CSMD1: variants seen among roughly 807,000 people sequenced by gnomAD.
CSMD1 encodes the protein CUB and Sushi multiple domains 1, also known as CUB and sushi domain-containing protein 1.
Under a neutral mutation model 417.5 loss-of-function variants are expected in CSMD1, and 213 were observed. The ratio of observed to expected loss-of-function variants is 0.51; its 90% confidence interval spans 0.46 to 0.57. The LOEUF (loss-of-function observed/expected upper bound fraction) is 0.57. Among genes scored for constraint, CSMD1 ranks in the 20% least tolerant of loss-of-function variants. The pLI is 0.00. For missense variants in CSMD1, 6,923 were observed against 4,529.7 expected (o/e 1.53, Z -15.17); for synonymous variants, 2,862 against 1,736.8 (o/e 1.65, Z -16.11).
At chr8:4,535,439 T>C (rs2130484684) in intron 2 of CSMD1, among the ~76,000 whole-genome samples, 1 of 152,270 alleles carries the variant, frequency 6.6e-6, no homozygotes, top group East Asian at 1.9e-4. Flanking sequence ...TGCTTGTAGA[T>C]TTGCTTTGCA....
intron 50 of CSMD1, among the ~76,000 whole-genome samples, chr8:3,041,030 G>A (rs1244787812): frequency 1.3e-5 from 2 of 151,946 alleles, no homozygotes; most frequent in Admixed American, 6.6e-5. Flanking sequence ...CTTCATATCG[G>A]TAAATAAATT....
At chr8:3,541,059 A>G (rs554067257) in intron 10 of CSMD1, among the ~76,000 whole-genome samples, 2 of 152,312 alleles carry the variant, frequency 1.3e-5, no homozygotes, top group Admixed American at 6.5e-5. Flanking sequence ...AAATCACTCT[A>G]TTATAAAGAT....
rs144855392 is a variant in CSMD1, at chr8:3,296,315, C to T, written c.3950+11380G>A. Among the ~76,000 whole-genome samples the T allele has an allele frequency of 3.2e-3, 492 of 151,654 alleles. 1 individual carries two copies. The highest frequency in any genetic ancestry group is 4.6e-3 in the Non-Finnish European group (310 of 67,936). On this transcript the variant is annotated intron_variant, in intron 25 of 69. Transcript: ENST00000635120. Reference sequence around the variant, plus strand: ...AGCCCCACGTAAGGGGCATACCGTCCGCATTTGAGGACAGCCAGGAGCCAG... The same window carrying T: ...AGCCCCACGTAAGGGGCATACCGTCTGCATTTGAGGACAGCCAGGAGCCAG...
chr8:4,018,800 T>C (rs77870422), intron 4 of CSMD1, among the ~76,000 whole-genome samples: 4,275 of 152,280 alleles, frequency 0.028, 186 homozygotes, highest in African/African-American at 0.097. Context: ...GGTCAAATTC[T>C]GCCTTCCCCA....
At chr8:4,190,075 G>A (rs894532751) in intron 3 of CSMD1, among the ~76,000 whole-genome samples, 2 of 151,646 alleles carry the variant, frequency 1.3e-5, no homozygotes, top group Non-Finnish European at 2.9e-5. Context: ...TGGCTAACAT[G>A]GTGAAACCCC....
At chr8:3,825,826 C>T (rs1274104816) in intron 5 of CSMD1, among the ~76,000 whole-genome samples, 2 of 152,098 alleles carry the variant, frequency 1.3e-5, no homozygotes, top group Non-Finnish European at 2.9e-5. Flanking sequence ...CTTTAAATCC[C>T]ATTTAAATAT....
chr8:3,785,331 C>T (rs554218924), intron 5 of CSMD1, among the ~76,000 whole-genome samples: 19 of 152,096 alleles, frequency 1.2e-4, no homozygotes, highest in South Asian at 2.1e-4. Flanking sequence ...ATAAATGCCC[C>T]GGGCAAGGCC....
intron 3 of CSMD1, among the ~76,000 whole-genome samples, chr8:4,374,196 T>G (rs1052793491): frequency 2.0e-5 from 3 of 152,166 alleles, no homozygotes; most frequent in Non-Finnish European, 4.4e-5. Flanking sequence ...AGTCCAGGGT[T>G]AGCTTTGAGG....
intron 2 of CSMD1, among the ~76,000 whole-genome samples, chr8:4,453,946 C>G (rs1041337928): frequency 2.0e-5 from 3 of 151,156 alleles, no homozygotes; most frequent in Non-Finnish European, 4.4e-5. Flanking sequence ...CTCAGCCTCC[C>G]GAGTAGCTGG....
intron 5 of CSMD1, among the ~76,000 whole-genome samples, chr8:3,923,527 C>A (rs575428684): frequency 1.3e-5 from 2 of 152,076 alleles, no homozygotes; most frequent in Admixed American, 6.6e-5. Context: ...TCTCACCTTG[C>A]GCATTTCCCA....
chr8:4,852,052 A>C (rs1275299598), intron 1 of CSMD1, among the ~76,000 whole-genome samples: 2 of 152,172 alleles, frequency 1.3e-5, no homozygotes, highest in South Asian at 4.1e-4. Flanking sequence ...GCAGGGCTTA[A>C]TGTGTATACT....
chr8:3,194,688 T>G (rs1292019345), intron 33 of CSMD1, among the ~76,000 whole-genome samples: 15 of 151,636 alleles, frequency 9.9e-5, no homozygotes, highest in Non-Finnish European at 2.2e-4. Flanking sequence ...CACGCTGGTC[T>G]CAAACTCCTG....
intron 6 of CSMD1, among the ~76,000 whole-genome samples, chr8:3,722,533 C>A (rs1802245896): frequency 6.6e-6 from 1 of 152,210 alleles, no homozygotes; most frequent in African/African-American, 2.4e-5. Flanking sequence ...TTTCTCTGAT[C>A]TATAACCCTT....
intron 3 of CSMD1, among the ~76,000 whole-genome samples, chr8:4,412,645 C>A (rs1393223837): frequency 6.6e-6 from 1 of 152,142 alleles, no homozygotes; most frequent in African/African-American, 2.4e-5. Flanking sequence ...GAATCAGAAA[C>A]TAGATTTTCT....
chr8:3,924,792 G>T (rs531948171), intron 5 of CSMD1, among the ~76,000 whole-genome samples: 10 of 151,710 alleles, frequency 6.6e-5, no homozygotes, highest in South Asian at 2.1e-4. Flanking sequence ...CTCTCTATTC[G>T]TGTTATCCTG....
At chr8:4,017,993 T>C (rs906706715) in intron 4 of CSMD1, among the ~76,000 whole-genome samples, 4 of 152,314 alleles carry the variant, frequency 2.6e-5, no homozygotes, top group Admixed American at 1.3e-4. Context: ...TTTTGATTAA[T>C]TGCTTCATGA....
At chr8:4,450,203 C>A (rs759685565) in intron 2 of CSMD1, among the ~76,000 whole-genome samples, 1 of 152,174 alleles carries the variant, frequency 6.6e-6, no homozygotes, top group Non-Finnish European at 1.5e-5. Flanking sequence ...ATTGAAGTTA[C>A]AGAGTACCTA....
intron 1 of CSMD1, among the ~76,000 whole-genome samples, chr8:4,747,106 G>C (rs942783006): frequency 2.6e-5 from 4 of 152,156 alleles, no homozygotes; most frequent in Admixed American, 6.5e-5. Flanking sequence ...GGAATGGCAG[G>C]TGCTTTCGGC....
intron 39 of CSMD1, among the ~76,000 whole-genome samples, chr8:3,156,794 G>C (rs1349626210): frequency 6.6e-6 from 1 of 151,982 alleles, no homozygotes; most frequent in African/African-American, 2.4e-5. Flanking sequence ...GGCTGAATAT[G>C]GGAGCTGTAG....
Sources: gnomAD v4.1 joint callset for allele counts (sites outside exome capture counted in the v4.1 genomes callset) on GRCh38, gnomAD v4.1.1 for gene constraint, MANE v1.5 for transcripts, NCBI Gene and HGNC (gene_info 2026-07-23, HGNC 2026-07-21) for gene names.